CCDC73: variants seen among roughly 807,000 people sequenced by gnomAD.
CCDC73 encodes the protein coiled-coil domain-containing protein 73.
A neutral mutation model predicts 116.5 loss-of-function variants in CCDC73; 95 were observed. That is an observed-to-expected ratio of 0.82 (90% confidence interval 0.69 to 0.97). CCDC73 has a LOEUF of 0.97. CCDC73 is among the 50% of genes least tolerant of loss of function. The pLI is 0.00. For missense variants in CCDC73, 1,066 were observed against 1,206.8 expected, an observed-to-expected ratio of 0.88 and a Z score of 1.73; for synonymous variants, 398 against 401.3, an observed-to-expected ratio of 0.99 and a Z score of 0.10.
chr11:32,786,915 A>G (rs1850634400), intron 1 of CCDC73, among the ~76,000 whole-genome samples: 1 of 152,158 alleles, frequency 6.6e-6, no homozygotes, highest in African/African-American at 2.4e-5. Flanking sequence ...GTCTTCATTC[A>G]TGATGATCCT....
At chr11:32,637,017 C>CTT (rs71063750) in intron 13 of CCDC73, among the ~76,000 whole-genome samples, 6,100 of 87,584 alleles carry the variant, frequency 0.07, 427 homozygotes, top group African/African-American at 0.083. Flanking sequence ...TTTTCTTTTT[C>CTT]TTTTTTTTTT....
chr11:32,695,392 C>G (rs1172541692), intron 6 of CCDC73, among the ~76,000 whole-genome samples: 1 of 150,930 alleles, frequency 6.6e-6, no homozygotes, highest in Non-Finnish European at 1.5e-5. Flanking sequence ...AAGAGCTTGC[C>G]TACAGCTGGT....
At chr11:32,736,661 G>C (rs1850132499) in intron 2 of CCDC73, among the ~76,000 whole-genome samples, 1 of 151,722 alleles carries the variant, frequency 6.6e-6, no homozygotes, top group Admixed American at 6.6e-5. Context: ...CCACTACTGG[G>C]TATATACCCA....
At chr11:32,785,585 GAGAC>G (rs770047353) in intron 1 of CCDC73, among the ~76,000 whole-genome samples, 8 of 151,792 alleles carry the variant, frequency 5.3e-5, no homozygotes, top group Non-Finnish European at 1.0e-4. Flanking sequence ...ATTTTTTTTA[GAGAC>G]AGACAGGCTA....
chr11:32,723,385 T>C (rs1312135704), intron 2 of CCDC73, among the ~76,000 whole-genome samples: 1 of 152,232 alleles, frequency 6.6e-6, no homozygotes, highest in African/African-American at 2.4e-5. Context: ...CCATGAATGT[T>C]AGAAATATTT....
At chr11:32,732,472 T>A (rs1850087862) in intron 2 of CCDC73, among the ~76,000 whole-genome samples, 1 of 152,126 alleles carries the variant, frequency 6.6e-6, no homozygotes, top group Non-Finnish European at 1.5e-5. Context: ...ATTGTCAGAT[T>A]CACCAAAGTT....
In CCDC73 at chr11:32,613,851, T is replaced by C; in HGVS notation, c.2467A>G (p.Lys823Glu). ...CTCACAAAAAGGAAGAGGTCATTTT[T>C]TGTGGCTTCAGTTACCTGATTCTCA... is the stretch of plus-strand genomic sequence containing the variant. ...IDENQVTEAT[K>E]NDLFLFVSIN... The change falls in exon 16 of 18, where the codon AAA becomes GAA. Residue 823 changes from lysine (K) to glutamate (E), a missense_variant. Transcript: ENST00000335185. 6.2e-7 allele frequency: 1 copy of C among 1,613,670 alleles called. No individual in the cohort carries two copies. Among genetic ancestry groups the C allele is most frequent in the Non-Finnish European group, 8.5e-7 (1 of 1,179,956 alleles).
At chr11:32,622,661 T>A (rs1855532879) in intron 14 of CCDC73, among the ~76,000 whole-genome samples, 1 of 101,648 alleles carries the variant, frequency 9.8e-6, no homozygotes, top group Non-Finnish European at 1.9e-5. Context: ...ATCATGGAAC[T>A]TAAATAAAAT....
At chr11:32,661,991 A>C (rs187092834) in intron 9 of CCDC73, among the ~76,000 whole-genome samples, 1 of 151,854 alleles carries the variant, frequency 6.6e-6, no homozygotes, top group Non-Finnish European at 1.5e-5. Flanking sequence ...AGCTTCATCC[A>C]TGTCCCTACA....
intron 5 of CCDC73, among the ~76,000 whole-genome samples, chr11:32,699,901 T>C (rs1329225298): frequency 2.2e-5 from 3 of 139,434 alleles, no homozygotes; most frequent in African/African-American, 7.8e-5. Context: ...TATATATATA[T>C]AAAAAGAACC....
chr11:32,810,651 G>A, the CCDC73 span, among the ~76,000 whole-genome samples: 10 of 152,058 alleles, frequency 6.6e-5, no homozygotes, highest in Non-Finnish European at 1.2e-4. Context: ...AATATGTAAC[G>A]TTTCTCAATT....
intron 3 of CCDC73, among the ~76,000 whole-genome samples, 189 bp downstream of exon 3, chr11:32,717,887 A>T (rs1461423576): frequency 6.6e-6 from 1 of 152,178 alleles, no homozygotes; most frequent in East Asian, 1.9e-4. Context: ...AGAAGTGCTG[A>T]GCGAAGAGGG....
At position 32,609,493 on chromosome 11, in the gene CCDC73, A is replaced by C. The variant is rs539385475; in HGVS notation, c.3030+1639T>G. Among the ~76,000 whole-genome samples the C allele has an allele frequency of 1.2e-4, 19 of 152,298 alleles. No individual in the cohort carries two copies. In the South Asian group the frequency reaches 3.9e-3, roughly 32 times the overall value. On this transcript the variant is annotated intron_variant, in intron 17 of 17. Coordinates refer to ENST00000335185, the MANE Select transcript of CCDC73 (RefSeq NM_001008391.4). ...CCATATCATTGTCAACATTTTGGTC[A>C]AAGCCATTCAACAAGTCTCTAGGGA...
At chr11:32,637,399 TG>T (rs1270987938) in intron 13 of CCDC73, among the ~76,000 whole-genome samples, 3 of 152,122 alleles carry the variant, frequency 2.0e-5, no homozygotes, top group Admixed American at 1.3e-4. Context: ...CTGCCCTCAT[TG>T]TTCTACTGTT....
At chr11:32,778,830 G>A (rs1021710976) in intron 1 of CCDC73, among the ~76,000 whole-genome samples, 15 of 152,004 alleles carry the variant, frequency 9.9e-5, no homozygotes, top group African/African-American at 3.6e-4. Flanking sequence ...GAAAACGGAT[G>A]CTAAATACCC....
At chr11:32,658,602 C>A (rs1855894874) in intron 9 of CCDC73, among the ~76,000 whole-genome samples, 1 of 152,162 alleles carries the variant, frequency 6.6e-6, no homozygotes. Context: ...CAAGTACCTC[C>A]TGTGTGTCAG....
intron 1 of CCDC73, among the ~76,000 whole-genome samples, chr11:32,781,889 T>C (rs1289099443): frequency 6.6e-6 from 1 of 152,078 alleles, no homozygotes; most frequent in African/African-American, 2.4e-5. Context: ...CGTGGCCTGT[T>C]AGGAACACCC....
chr11:32,731,926 T>C (rs181467415), intron 2 of CCDC73, among the ~76,000 whole-genome samples: 21 of 152,270 alleles, frequency 1.4e-4, no homozygotes, highest in Admixed American at 1.1e-3. Context: ...TTTGACAAGT[T>C]GAGAGAAGAA....
At chr11:32,696,292 G>A (rs114317409) in intron 6 of CCDC73, among the ~76,000 whole-genome samples, 2,066 of 152,140 alleles carry the variant, frequency 0.014, 40 homozygotes, top group African/African-American at 0.048. Flanking sequence ...AATCAATATA[G>A]GTATCATTTA....
Sources: gnomAD v4.1 joint callset for allele counts (sites outside exome capture counted in the v4.1 genomes callset) on GRCh38, gnomAD v4.1.1 for gene constraint, MANE v1.5 for transcripts, NCBI Gene and HGNC (gene_info 2026-07-23, HGNC 2026-07-21) for gene names.